Variants in DACH1 observed in about 807,000 individuals in gnomAD.
DACH1 encodes the protein dachshund homolog 1.
A neutral mutation model predicts 54.2 loss-of-function variants in DACH1; 12 were observed. The observed-to-expected ratio is 0.22, with a 90% CI of 0.14 to 0.36. The LOEUF is 0.36. Among genes scored for constraint, DACH1 ranks in the 10% least tolerant of loss-of-function variants. DACH1 has a pLI of 1.00. For synonymous variants in DACH1, 386 were observed against 366.2 expected (o/e 1.05, Z -0.62); for missense variants, 805 against 929.8 (o/e 0.87, Z 1.75).
intron 3 of DACH1, among the ~76,000 whole-genome samples, chr13:71,580,418 T>C (rs1209027282): frequency 1.3e-5 from 2 of 152,214 alleles, no homozygotes; most frequent in Non-Finnish European, 2.9e-5. Flanking sequence ...GAGTTATATT[T>C]TATAGATTGT....
intron 1 of DACH1, among the ~76,000 whole-genome samples, chr13:71,744,466 G>C (rs574445702): frequency 5.3e-4 from 80 of 152,276 alleles, no homozygotes; most frequent in Non-Finnish European, 1.0e-3. Context: ...GGACGGTAGA[G>C]CCAGAAGTAT....
chr13:71,756,029 T>A (rs1181237485), intron 1 of DACH1, among the ~76,000 whole-genome samples: 1 of 151,872 alleles, frequency 6.6e-6, no homozygotes, highest in Non-Finnish European at 1.5e-5. Flanking sequence ...CTAAAGACTT[T>A]TTTATTTTTT....
chr13:71,511,179 A>G (rs1880746124), intron 6 of DACH1, among the ~76,000 whole-genome samples: 1 of 152,040 alleles, frequency 6.6e-6, no homozygotes, highest in Non-Finnish European at 1.5e-5. Context: ...GACACATGAC[A>G]CGCATGTGAG....
chr13:71,775,127 C>CTTTTTTT (rs767902341), intron 1 of DACH1, among the ~76,000 whole-genome samples: 6,817 of 54,004 alleles, frequency 0.13, 1,326 homozygotes, highest in Non-Finnish European at 0.15. Context: ...TCAACACAAG[C>CTTTTTTT]TTTTTTTTTT....
chr13:71,499,457 T>G (rs1041472731), intron 6 of DACH1, among the ~76,000 whole-genome samples: 1 of 152,198 alleles, frequency 6.6e-6, no homozygotes, highest in African/African-American at 2.4e-5. Context: ...AACATTTGTT[T>G]TTAGATGACT....
chr13:71,488,281 T>C (rs946484026), intron 7 of DACH1, among the ~76,000 whole-genome samples: 3 of 152,126 alleles, frequency 2.0e-5, no homozygotes, highest in African/African-American at 4.8e-5. Flanking sequence ...ATGACAAAAA[T>C]CTCCATCTGG....
intron 1 of DACH1, among the ~76,000 whole-genome samples, chr13:71,699,604 C>T (rs2138745584): frequency 6.6e-6 from 1 of 152,228 alleles, no homozygotes; most frequent in East Asian, 1.9e-4. Flanking sequence ...CAAAACCTTC[C>T]TGGTATATAA....
In DACH1 at chr13:71,761,519, A is replaced by G. The variant is rs115289886; in HGVS notation, c.849-79609T>C. On this transcript the variant is annotated intron_variant, in intron 1 of 10. Coordinates refer to ENST00000613252, the MANE Select transcript of DACH1 (RefSeq NM_080759.6). ...GAGATGAATTGTTTTAGTGAGGAATATTTGCATTTTTCCCTTTCTTATGGG... is the reference window on the plus strand; with the variant it reads ...GAGATGAATTGTTTTAGTGAGGAATGTTTGCATTTTTCCCTTTCTTATGGG... Among the ~76,000 whole-genome samples, 1,363 of 152,292 alleles carry G rather than the reference A, an allele frequency of 8.9e-3. 17 individuals are homozygous for G. The highest frequency in any genetic ancestry group is 0.029 in the African/African-American group (1,193 of 41,564).
In DACH1 at chr13:71,641,310, T is replaced by C. The variant is rs574419544; in HGVS notation, c.965-10593A>G. On this transcript the variant is annotated intron_variant, in intron 2 of 10. Transcript: ENST00000613252. The stretch of plus-strand genomic sequence containing the variant: ...GAATACAGACACACAGTATTCTTTC[T>C]AAGTGGAGGTCAAAGTCTGAGTGGG... Among the ~76,000 whole-genome samples the C allele has an allele frequency of 3.3e-5, 5 of 152,202 alleles. 1 individual carries two copies. Among genetic ancestry groups the C allele is most frequent in the African/African-American group, 9.6e-5 (4 of 41,560 alleles).
intron 2 of DACH1, among the ~76,000 whole-genome samples, chr13:71,655,757 C>T (rs1333719160): frequency 3.9e-5 from 6 of 152,162 alleles, no homozygotes; most frequent in Non-Finnish European, 8.8e-5. Flanking sequence ...GTTCTAAATA[C>T]TGCAGTCCTA....
At chr13:71,648,335 A>G (rs566565065) in intron 2 of DACH1, among the ~76,000 whole-genome samples, 6 of 152,246 alleles carry the variant, frequency 3.9e-5, no homozygotes, top group African/African-American at 1.4e-4. Context: ...CATGTTCTTC[A>G]TTCTTAATGG....
At chr13:71,490,009 A>C (rs1478200912) in intron 6 of DACH1, among the ~76,000 whole-genome samples, 2 of 152,166 alleles carry the variant, frequency 1.3e-5, no homozygotes, top group Non-Finnish European at 2.9e-5. Flanking sequence ...AACCATTTTT[A>C]CAGTTTCACA....
chr13:71,440,312 A>G lies in DACH1; in HGVS notation c.*343T>C, dbSNP rs1245800672. 4.9e-6 allele frequency: 1 copy of G among 204,088 alleles called. No homozygotes were observed. Among genetic ancestry groups the G allele is most frequent in the Non-Finnish European group, 9.7e-6 (1 of 102,898 alleles). 12.6% of individuals were successfully genotyped at this position (204,088 alleles called of 1,614,324 possible). ...TCAGATACAGAATTTTCAGAAGAGG[A>G]AAATGGTTCATTCCATTAGAAAAAA... On this transcript the variant is annotated 3_prime_UTR_variant, in exon 11 of 11. Transcript: ENST00000613252.
At chr13:71,540,700 G>C (rs1883073731) in intron 6 of DACH1, among the ~76,000 whole-genome samples, 1 of 151,856 alleles carries the variant, frequency 6.6e-6, no homozygotes, top group Admixed American at 6.6e-5. Flanking sequence ...AAACCTTATA[G>C]AGCTCTGAAC....
chr13:71,581,008 A>G (rs1872805509), intron 3 of DACH1, among the ~76,000 whole-genome samples: 1 of 141,874 alleles, frequency 7.0e-6, no homozygotes, highest in South Asian at 2.2e-4. Context: ...GTTTGTCTTA[A>G]TGTAAGTTCC....
intron 2 of DACH1, among the ~76,000 whole-genome samples, chr13:71,670,174 G>A (rs1880124228): frequency 6.6e-6 from 1 of 152,080 alleles, no homozygotes; most frequent in Admixed American, 6.5e-5. Flanking sequence ...ATGATAAAAA[G>A]CTCTCCCATT....
intron 1 of DACH1, among the ~76,000 whole-genome samples, chr13:71,857,557 A>G (rs1475652055): frequency 6.6e-6 from 1 of 151,750 alleles, no homozygotes; most frequent in African/African-American, 2.4e-5. Context: ...CATAGAGTAC[A>G]AATGAGCTAA....
chr13:71,488,234 C>T (rs1878699509), intron 7 of DACH1, among the ~76,000 whole-genome samples: 1 of 152,152 alleles, frequency 6.6e-6, no homozygotes, highest in Non-Finnish European at 1.5e-5. Flanking sequence ...GCAACTTCTG[C>T]CTACTACTCA....
At chr13:71,768,268 T>A (rs1159179477) in intron 1 of DACH1, among the ~76,000 whole-genome samples, 1 of 150,920 alleles carries the variant, frequency 6.6e-6, no homozygotes, top group Non-Finnish European at 1.5e-5. Flanking sequence ...GATTACCTAC[T>A]TTCCATCCTC....
Sources: allele counts gnomAD v4.1 joint callset (sites outside exome capture counted in the v4.1 genomes callset), GRCh38; gene constraint gnomAD v4.1.1; transcripts MANE v1.5; gene names NCBI Gene and HGNC (gene_info 2026-07-23, HGNC 2026-07-21).